Variants in RSPO2 observed in about 807,000 individuals in gnomAD.
RSPO2 encodes R-spondin-2.
Under a neutral mutation model 30.9 loss-of-function variants are expected in RSPO2, and 14 were observed. The observed-to-expected ratio is 0.45, with a 90% CI of 0.30 to 0.71. The LOEUF is 0.71. Among genes scored for constraint, RSPO2 ranks in the 30% least tolerant of loss-of-function variants. The probability of loss-of-function intolerance (pLI) is 0.08; values close to 1 mark genes in which losing one functional copy is unlikely to be tolerated. For missense variants in RSPO2, 264 were observed against 301.9 expected, an observed-to-expected ratio of 0.87 and a Z score of 0.93; for synonymous variants, 107 against 96.4, an observed-to-expected ratio of 1.11 and a Z score of -0.64.
At chr8:107,901,330 C>T in intron 5 of RSPO2, 140 bp from the exon 6 acceptor site, 1 of 896,160 alleles carries the variant, frequency 1.1e-6, no homozygotes. Context: ...GAAAATTGTT[C>T]ACATTAATTT....
intron 5 of RSPO2, among the ~76,000 whole-genome samples, chr8:107,913,552 G>A (rs888549830): frequency 1.3e-5 from 2 of 152,048 alleles, no homozygotes; most frequent in Non-Finnish European, 2.9e-5. Context: ...TTTCAATTAG[G>A]GGAAAAATAT....
At chr8:107,940,000 C>T (rs1021325658) in intron 5 of RSPO2, among the ~76,000 whole-genome samples, 1 of 152,068 alleles carries the variant, frequency 6.6e-6, no homozygotes, top group African/African-American at 2.4e-5. Flanking sequence ...CAGAGCAGAA[C>T]ATAGCTTCTT....
At chr8:107,999,044 T>C (rs1268022970) in intron 2 of RSPO2, among the ~76,000 whole-genome samples, 1 of 152,136 alleles carries the variant, frequency 6.6e-6, no homozygotes, top group Non-Finnish European at 1.5e-5. Flanking sequence ...TCCAAAAACA[T>C]AAAAATAAAA....
rs377290389 is a variant in RSPO2 at position 107,978,949 on chromosome 8, G to A, written c.283+10107C>T. On this transcript the variant is annotated intron_variant, in intron 3 of 5. Transcript: ENST00000276659. ...GAAAAAATGCTCATCATCACTGGCC[G>A]TCAGAGAAATGCAAATCAAAACCAC... 7.5e-4 allele frequency among the ~76,000 whole-genome samples: 114 copies of A among 152,180 alleles called. 1 individual carries two copies. The highest frequency in any genetic ancestry group is 3.4e-3 in the Middle Eastern group (1 of 294).
At position 108,008,335 on chromosome 8, in the gene RSPO2, A is replaced by C. The variant is rs567411431; in HGVS notation, c.95-19091T>G. Among the ~76,000 whole-genome samples the C allele has an allele frequency of 2.0e-5, 3 of 152,278 alleles. No homozygotes were observed. In the South Asian group the frequency reaches 6.2e-4, roughly 32 times the overall value. ...CCAGAGCCGAGTAGCAGCCGCCTGC[A>C]TTAAAATCCATCTATTTAACACAGA... On this transcript the variant is annotated intron_variant, in intron 2 of 5. Coordinates refer to ENST00000276659, the MANE Select transcript of RSPO2 (RefSeq NM_178565.5).
intron 3 of RSPO2, among the ~76,000 whole-genome samples, chr8:107,964,209 A>T (rs1192992955): frequency 1.3e-5 from 2 of 152,058 alleles, no homozygotes; most frequent in Non-Finnish European, 2.9e-5. Flanking sequence ...ACACCTACAA[A>T]CCCAATATTT....
chr8:108,026,693 C>G (rs1009449593), intron 2 of RSPO2, among the ~76,000 whole-genome samples: 1 of 151,878 alleles, frequency 6.6e-6, no homozygotes. Flanking sequence ...ATGTTGAAAC[C>G]CCATGTCTAC....
At chr8:108,074,375 C>T (rs1481298152) in intron 2 of RSPO2, among the ~76,000 whole-genome samples, 1 of 152,170 alleles carries the variant, frequency 6.6e-6, no homozygotes, top group African/African-American at 2.4e-5. Flanking sequence ...ACACAAAATA[C>T]ACATAGACAC....
At chr8:107,917,763 T>G (rs1165731920) in intron 5 of RSPO2, among the ~76,000 whole-genome samples, 1 of 152,186 alleles carries the variant, frequency 6.6e-6, no homozygotes, top group Non-Finnish European at 1.5e-5. Flanking sequence ...CAAAATTATG[T>G]GGAACTCCCA....
chr8:108,021,234 A>G (rs1039382563), intron 2 of RSPO2, among the ~76,000 whole-genome samples: 3 of 152,194 alleles, frequency 2.0e-5, no homozygotes, highest in Non-Finnish European at 4.4e-5. Context: ...AATCAATTGT[A>G]CTTCTCTGCC....
At chr8:108,070,251 C>A (rs916662612) in intron 2 of RSPO2, among the ~76,000 whole-genome samples, 1 of 149,828 alleles carries the variant, frequency 6.7e-6, no homozygotes, top group Non-Finnish European at 1.5e-5. Flanking sequence ...TTGAGCCCAG[C>A]CTGGGCAACA....
intron 5 of RSPO2, among the ~76,000 whole-genome samples, chr8:107,932,915 G>T (rs1812594639): frequency 6.6e-6 from 1 of 152,092 alleles, no homozygotes; most frequent in South Asian, 2.1e-4. Flanking sequence ...TGCTAAATCT[G>T]CATTGGAAAA....
chr8:107,917,136 T>A (rs1393675832), intron 5 of RSPO2, among the ~76,000 whole-genome samples: 1 of 152,148 alleles, frequency 6.6e-6, no homozygotes, highest in African/African-American at 2.4e-5. Context: ...CTATCTTCAT[T>A]GGGTCTTGTT....
chr8:108,045,525 C>T (rs1271777785), intron 2 of RSPO2, among the ~76,000 whole-genome samples: 3 of 152,188 alleles, frequency 2.0e-5, no homozygotes, highest in South Asian at 2.1e-4. Context: ...ATTCGGAGAA[C>T]ATTAGTTCCT....
chr8:108,004,813 T>C (rs762113418), intron 2 of RSPO2, among the ~76,000 whole-genome samples: 4 of 152,202 alleles, frequency 2.6e-5, no homozygotes, highest in Non-Finnish European at 5.9e-5. Flanking sequence ...ACCTCTAAAA[T>C]TTTTCAGTAA....
intron 2 of RSPO2, among the ~76,000 whole-genome samples, chr8:108,029,630 A>G (rs1313054288): frequency 6.6e-6 from 1 of 152,220 alleles, no homozygotes; most frequent in Non-Finnish European, 1.5e-5. Flanking sequence ...CTGCAAGACA[A>G]CATTTATCAC....
intron 2 of RSPO2, among the ~76,000 whole-genome samples, chr8:108,058,407 A>G (rs913758129): frequency 1.3e-5 from 2 of 152,242 alleles, no homozygotes; most frequent in African/African-American, 4.8e-5. Context: ...CAATATCATG[A>G]AAATGGCCAT....
At chr8:108,070,278 C>CTTTTTTTT (rs1050611219) in intron 2 of RSPO2, among the ~76,000 whole-genome samples, 28 of 81,204 alleles carry the variant, frequency 3.4e-4, no homozygotes, top group African/African-American at 1.1e-3. Context: ...GACCCCATCT[C>CTTTTTTTT]TTTTTTTTTT....
intron 2 of RSPO2, among the ~76,000 whole-genome samples, chr8:107,990,666 C>T (rs1380845667): frequency 6.6e-6 from 1 of 152,098 alleles, no homozygotes; most frequent in African/African-American, 2.4e-5. Context: ...TTCCATTAAA[C>T]TACCATTGAC....
Sources: allele counts gnomAD v4.1 joint callset (sites outside exome capture counted in the v4.1 genomes callset), GRCh38; gene constraint gnomAD v4.1.1; transcripts MANE v1.5; gene names NCBI Gene and HGNC (gene_info 2026-07-23, HGNC 2026-07-21).